SPOCK3: variants seen among roughly 807,000 people sequenced by gnomAD.
SPOCK3 encodes SPARC (osteonectin), cwcv and kazal like domains proteoglycan 3.
SPOCK3 carries 30 observed loss-of-function variants against 56.6 expected under a neutral mutation model. That is an observed-to-expected ratio of 0.53 (90% confidence interval 0.40 to 0.72). The LOEUF (loss-of-function observed/expected upper bound fraction) is 0.72, where lower values mean the gene tolerates loss of function less well. SPOCK3 is among the 30% of genes least tolerant of loss of function. SPOCK3 has a pLI of 0.00. For synonymous variants in SPOCK3, 196 were observed against 183.3 expected, an observed-to-expected ratio of 1.07 and a Z score of -0.56; for missense variants, 527 against 530.0, an observed-to-expected ratio of 0.99 and a Z score of 0.06.
At chr4:167,195,979 G>T (rs944659275) in intron 2 of SPOCK3, among the ~76,000 whole-genome samples, 4 of 152,150 alleles carry the variant, frequency 2.6e-5, no homozygotes, top group Admixed American at 1.3e-4. Flanking sequence ...CACTCTCAAA[G>T]AAATTTTAGA....
chr4:166,941,993 T>G (rs957808439), intron 4 of SPOCK3, among the ~76,000 whole-genome samples: 2 of 152,160 alleles, frequency 1.3e-5, no homozygotes, highest in Non-Finnish European at 2.9e-5. Flanking sequence ...GTATTTGCTG[T>G]TTTAAGCCAC....
In SPOCK3 at chr4:167,145,241, T is replaced by A. The variant is rs911526155; in HGVS notation, c.190-82704A>T. ...AAGAAGAGGATTGCCATTTACTGAC[T>A]TGGGAGACTGTGGAAGAAGTAGCTG... On this transcript the variant is annotated intron_variant, in intron 2 of 10. Coordinates refer to ENST00000357545, the MANE Select transcript of SPOCK3 (RefSeq NM_001040159.2). 1.3e-5 allele frequency among the ~76,000 whole-genome samples: 2 copies of A among 152,050 alleles called. 1 individual carries two copies. Among genetic ancestry groups the A allele is most frequent in the South Asian group, 4.2e-4 (2 of 4,814 alleles).
intron 2 of SPOCK3, among the ~76,000 whole-genome samples, chr4:167,210,833 A>C (rs975616372): frequency 1.3e-5 from 2 of 152,068 alleles, no homozygotes; most frequent in African/African-American, 4.8e-5. Flanking sequence ...CTCTCTGTGT[A>C]TCTCTCTCTA....
intron 8 of SPOCK3, among the ~76,000 whole-genome samples, chr4:166,745,491 C>T (rs530209959): frequency 2.0e-5 from 3 of 152,284 alleles, no homozygotes; most frequent in African/African-American, 7.2e-5. Context: ...GAAGAAAGCA[C>T]TAAACATGGA....
intron 2 of SPOCK3, among the ~76,000 whole-genome samples, chr4:167,106,946 T>C (rs548724825): frequency 1.3e-5 from 2 of 151,788 alleles, no homozygotes; most frequent in East Asian, 1.9e-4. Flanking sequence ...CCTACCAAGA[T>C]TGAACAAGGA....
intron 7 of SPOCK3, among the ~76,000 whole-genome samples, chr4:166,771,732 TAG>T (rs1276054348): frequency 6.6e-6 from 1 of 152,076 alleles, no homozygotes; most frequent in East Asian, 1.9e-4. Context: ...TTTCCTCAAA[TAG>T]AGTGAGAAAA....
chr4:166,745,691 G>A (rs1230750112), intron 8 of SPOCK3, among the ~76,000 whole-genome samples: 1 of 152,116 alleles, frequency 6.6e-6, no homozygotes, highest in Non-Finnish European at 1.5e-5. Context: ...GACACAGACT[G>A]GCAAGTTGGA....
intron 3 of SPOCK3, among the ~76,000 whole-genome samples, chr4:167,059,637 C>A (rs1260812861): frequency 6.6e-5 from 10 of 152,002 alleles, no homozygotes; most frequent in Non-Finnish European, 1.2e-4. Context: ...TTTGACCCAG[C>A]CATCCCATTA....
intron 2 of SPOCK3, among the ~76,000 whole-genome samples, chr4:167,127,693 G>T (rs1762394031): frequency 6.6e-6 from 1 of 152,158 alleles, no homozygotes; most frequent in Admixed American, 6.5e-5. Flanking sequence ...CTCCGAAAGT[G>T]CTGGGGTTAC....
chr4:166,952,874 T>C (rs1240965258), intron 4 of SPOCK3, among the ~76,000 whole-genome samples: 1 of 151,762 alleles, frequency 6.6e-6, no homozygotes, highest in African/African-American at 2.4e-5. Flanking sequence ...GTAAACTGGC[T>C]AGCCATATGT....
chr4:167,124,072 T>G (rs2150368844), intron 2 of SPOCK3, among the ~76,000 whole-genome samples: 1 of 152,284 alleles, frequency 6.6e-6, no homozygotes, highest in Non-Finnish European at 1.5e-5. Context: ...ATGGTATGTT[T>G]TCTTCACTAA....
chr4:166,783,965 T>C (rs1740455914), intron 7 of SPOCK3, among the ~76,000 whole-genome samples: 2 of 151,968 alleles, frequency 1.3e-5, no homozygotes, highest in Non-Finnish European at 2.9e-5. Flanking sequence ...TCTTCATTGT[T>C]TTTTTTTGGG....
chr4:166,890,700 T>C (rs1276729222), intron 5 of SPOCK3, among the ~76,000 whole-genome samples: 4 of 152,018 alleles, frequency 2.6e-5, no homozygotes, highest in Non-Finnish European at 5.9e-5. Context: ...TTAGAAAAAG[T>C]GTGATGTGTT....
At position 166,899,276 on chromosome 4, in the gene SPOCK3, ATCT is replaced by A. The variant is rs1291374206; in HGVS notation, c.475-10035_475-10033del. Among the ~76,000 whole-genome samples the A allele has an allele frequency of 1.4e-4, 19 of 137,470 alleles. No individual in the cohort carries two copies. The East Asian group carries it at 2.0e-3, about 15-fold the overall frequency. The allele number at this position is 137,470 out of a possible 152,430, so 90.2% of individuals were successfully genotyped here. On this transcript the variant is annotated intron_variant, in intron 5 of 10. Transcript: ENST00000357545. ...TATCTATCTATCTATCTATCTATCTATCTATCTATCTATCTATCTATCTATGTA... is the reference window on the plus strand; with the variant it reads ...TATCTATCTATCTATCTATCTATCTAATCTATCTATCTATCTATCTATGTA...
chr4:166,995,872 A>G (rs897781169), intron 4 of SPOCK3, among the ~76,000 whole-genome samples: 2 of 152,150 alleles, frequency 1.3e-5, no homozygotes, highest in Non-Finnish European at 2.9e-5. Context: ...AATGATTATG[A>G]TAAGTTCAAT....
chr4:166,752,271 C>A (rs938318379), intron 8 of SPOCK3, among the ~76,000 whole-genome samples: 1 of 152,100 alleles, frequency 6.6e-6, no homozygotes, highest in Non-Finnish European at 1.5e-5. Flanking sequence ...AATCCACCCT[C>A]CTTGGCCTCC....
At chr4:166,825,974 T>A (rs2126777654) in intron 6 of SPOCK3, among the ~76,000 whole-genome samples, 1 of 152,024 alleles carries the variant, frequency 6.6e-6, no homozygotes, top group South Asian at 2.1e-4. Context: ...TGCACCAAAA[T>A]CTCAGAAATC....
At chr4:166,838,824 G>A (rs539523670) in intron 6 of SPOCK3, among the ~76,000 whole-genome samples, 41 of 149,312 alleles carry the variant, frequency 2.7e-4, no homozygotes, top group Admixed American at 7.5e-4. Flanking sequence ...TTAGCTGGGC[G>A]TGGTGGCAGA....
At chr4:167,145,892 A>G (rs1488111185) in intron 2 of SPOCK3, among the ~76,000 whole-genome samples, 1 of 152,176 alleles carries the variant, frequency 6.6e-6, no homozygotes, top group African/African-American at 2.4e-5. Flanking sequence ...CTATGAAGAA[A>G]CTGCATCAGC....
Sources: gnomAD v4.1 joint callset for allele counts (sites outside exome capture counted in the v4.1 genomes callset) on GRCh38, gnomAD v4.1.1 for gene constraint, MANE v1.5 for transcripts, NCBI Gene and HGNC (gene_info 2026-07-23, HGNC 2026-07-21) for gene names.